PRXL2A: variants seen among roughly 807,000 people sequenced by gnomAD.
PRXL2A encodes peroxiredoxin-like 2A.
Under a neutral mutation model 25.6 loss-of-function variants are expected in PRXL2A, and 26 were observed. The observed-to-expected ratio is 1.02, with a 90% CI of 0.74 to 1.41. PRXL2A has a LOEUF of 1.41. Ranked by LOEUF, PRXL2A falls within the 40% of genes most tolerant of loss-of-function variation. PRXL2A has a pLI of 0.00. For synonymous variants in PRXL2A, 98 were observed against 102.9 expected (o/e 0.95, Z 0.29); for missense variants, 246 against 273.9 (o/e 0.90, Z 0.72).
At chr10:80,413,893 C>T in intron 1 of PRXL2A, 15 of 1,237,398 alleles carry the variant, frequency 1.2e-5, no homozygotes, top group Non-Finnish European at 1.6e-5. Flanking sequence ...GCCTTGTTCC[C>T]AAGTTTGAAG....
At position 80,423,366 on chromosome 10, in the gene PRXL2A, C is replaced by G. The variant is rs143404583; in HGVS notation, c.270+858C>G. On this transcript the variant is annotated intron_variant, in intron 3 of 5. Transcript: ENST00000606162. ...ACACAGCCAGTCAGTGGCAGAAGACCCAGATTCTGAAATTACTGCCCTGCC... is the reference window on the plus strand; with the variant it reads ...ACACAGCCAGTCAGTGGCAGAAGACGCAGATTCTGAAATTACTGCCCTGCC... 4.0e-3 allele frequency among the ~76,000 whole-genome samples: 602 copies of G among 152,298 alleles called. 5 individuals carry two copies. The highest frequency in any genetic ancestry group is 0.017 in the Middle Eastern group (5 of 294).
chr10:80,417,809 C>T (rs1464411897), intron 1 of PRXL2A, among the ~76,000 whole-genome samples: 1 of 135,400 alleles, frequency 7.4e-6, no homozygotes, highest in South Asian at 2.3e-4. Flanking sequence ...GGCTGGAGTT[C>T]TGGGCTATAG....
chr10:80,425,744 C>T lies in PRXL2A; in HGVS notation c.271-122C>T, dbSNP rs569277501. The T allele has an allele frequency of 1.5e-4, 189 of 1,247,518 alleles. 1 individual carries two copies. The African/African-American group carries it at 2.6e-3, about 17-fold the overall frequency. The allele number at this position is 1,247,518 out of a possible 1,614,324, so 77.3% of individuals were successfully genotyped here. A position where few individuals can be genotyped will look rare whatever the true frequency, so the allele number is the denominator to read the frequency against. On this transcript the variant is annotated intron_variant, in intron 3 of 5. Coordinates refer to ENST00000606162, the MANE Select transcript of PRXL2A (RefSeq NM_032333.5). ...GTGGTTAGGACAGCCATAACAGGAG[C>T]CTTGCCTCTGCTTTCCACTGGAGAA...
intron 1 of PRXL2A, among the ~76,000 whole-genome samples, chr10:80,416,940 T>C (rs1431055786): frequency 6.6e-6 from 1 of 152,210 alleles, no homozygotes; most frequent in Admixed American, 6.5e-5. Flanking sequence ...GTCAGACTGT[T>C]GTACCCAAGC....
At chr10:80,429,633 G>T (rs572139694) in intron 5 of PRXL2A, among the ~76,000 whole-genome samples, 7 of 127,950 alleles carry the variant, frequency 5.5e-5, no homozygotes, top group South Asian at 2.5e-4. Context: ...CTCCTGCCCT[G>T]CCCTGCCCCT....
intron 1 of PRXL2A, among the ~76,000 whole-genome samples, chr10:80,415,509 C>A (rs1589552656): frequency 1.3e-5 from 2 of 152,224 alleles, no homozygotes; most frequent in African/African-American, 2.4e-5. Context: ...CCTACACCGG[C>A]TCCAAAGCCA....
chr10:80,409,854 AT>A (rs1184437167), intron 1 of PRXL2A, among the ~76,000 whole-genome samples: 1 of 152,220 alleles, frequency 6.6e-6, no homozygotes, highest in Non-Finnish European at 1.5e-5. Context: ...GTAGAAGGTA[AT>A]TAAGGAAGCA....
chr10:80,425,222 T>G (rs1403267378), intron 3 of PRXL2A, among the ~76,000 whole-genome samples: 1 of 152,228 alleles, frequency 6.6e-6, no homozygotes, highest in Non-Finnish European at 1.5e-5. Flanking sequence ...TAGCACACAG[T>G]TCCTGAGAGT....
At chr10:80,424,677 C>A (rs1252396665) in intron 3 of PRXL2A, among the ~76,000 whole-genome samples, 1 of 151,756 alleles carries the variant, frequency 6.6e-6, no homozygotes, top group Admixed American at 6.6e-5. Context: ...ACCAGCCTGG[C>A]CAACATGGCC....
At chr10:80,425,626 G>A (rs562003360) in intron 3 of PRXL2A, among the ~76,000 whole-genome samples, 12 of 152,340 alleles carry the variant, frequency 7.9e-5, no homozygotes, top group Non-Finnish European at 1.6e-4. Context: ...TGTTAGTTTG[G>A]TCTAGTGCAG....
chr10:80,431,074 T>C (rs1285195115), intron 5 of PRXL2A, among the ~76,000 whole-genome samples: 1 of 152,144 alleles, frequency 6.6e-6, no homozygotes, highest in Non-Finnish European at 1.5e-5. Context: ...ATTTTTGTAT[T>C]TTTAGTAGAG....
chr10:80,422,377 G>T lies in PRXL2A; in HGVS notation c.179-40G>T, dbSNP rs374415251. On this transcript the variant is annotated intron_variant, in intron 2 of 5. Transcript: ENST00000606162. ...TGAGCTGCTTAGTGATTGGGGCTGG[G>T]CTGGGAGGAGATATCGAATTTCTTT... 8 of 1,518,000 alleles carry T rather than the reference G, an allele frequency of 5.3e-6. No homozygotes were observed. The African/African-American group carries it at 1.1e-4, about 21-fold the overall frequency. 94.0% of individuals were successfully genotyped at this position (1,518,000 alleles called of 1,614,324 possible). A position where few individuals can be genotyped will look rare whatever the true frequency, so the allele number is the denominator to read the frequency against.
chr10:80,430,454 TG>T (rs1189187893), intron 5 of PRXL2A, among the ~76,000 whole-genome samples: 1 of 152,162 alleles, frequency 6.6e-6, no homozygotes, highest in Non-Finnish European at 1.5e-5. Flanking sequence ...AAGAAGCAGC[TG>T]GGCAACATAG....
In PRXL2A at chr10:80,436,055, G is replaced by C. The variant is rs977024880; in HGVS notation, c.*3956G>C. On this transcript the variant is annotated 3_prime_UTR_variant, in exon 6 of 6. Transcript: ENST00000606162. ...AGTAGAATCACCTGGTGCGGGGGTT[G>C]GGGGCGGGGTGCAGTGTAAAAATTA... 2.0e-5 allele frequency: 3 copies of C among 151,990 alleles called. No individual in the cohort carries two copies. The highest frequency in any genetic ancestry group is 1.3e-4 in the Admixed American group (2 of 15,252). The allele number at this position is 151,990 out of a possible 1,614,324, so 9.4% of individuals were successfully genotyped here.
chr10:80,430,810 T>C (rs747838359), intron 5 of PRXL2A, among the ~76,000 whole-genome samples: 11 of 152,200 alleles, frequency 7.2e-5, no homozygotes, highest in Non-Finnish European at 1.3e-4. Context: ...AAAATTGTAC[T>C]AGATGTTCTT....
chr10:80,432,004 C>T lies in PRXL2A; in HGVS notation c.595C>T (p.Arg199Ter), dbSNP rs150000535. Residue 199 changes from arginine to a stop codon, truncating the protein, a stop_gained, in exon 6 of 6, where the codon CGA becomes TGA. Coordinates refer to ENST00000606162, the MANE Select transcript of PRXL2A (RefSeq NM_032333.5). LOFTEE classifies it high-confidence loss of function. ...SGKQGILLEHREKEFGDKVNL... is the reference protein window; with the variant it reads ...SGKQGILLEH ...CTTTTAGGGCATTCTTCTTGAGCAC[C>T]GAGAAAAAGAATTTGGAGACAAAGT... The T allele has an allele frequency of 2.9e-5, 47 of 1,610,118 alleles. No homozygotes were observed. Among genetic ancestry groups the T allele is most frequent in the East Asian group, 6.7e-5 (3 of 44,786 alleles).
intron 3 of PRXL2A, 86 bp from the exon 4 acceptor site, chr10:80,425,780 C>G (rs1377586663): frequency 6.5e-7 from 1 of 1,542,186 alleles, no homozygotes; most frequent in East Asian, 2.3e-5. Context: ...GACAAGGAGC[C>G]TGGGCTGCAG....
In PRXL2A at chr10:80,429,661, C is replaced by T. The variant is rs571603080; in HGVS notation, c.576+2165C>T. The stretch of plus-strand genomic sequence containing the variant: ...CTGCCCCTAGCCTCTCCTGCCCTTC[C>T]CTGCCCCTAGCCTCTCCTGCCCTGC... On this transcript the variant is annotated intron_variant, in intron 5 of 5. Coordinates refer to ENST00000606162, the MANE Select transcript of PRXL2A (RefSeq NM_032333.5). Among the ~76,000 whole-genome samples, 303 of 149,824 alleles carry T rather than the reference C, an allele frequency of 2.0e-3. 1 individual carries two copies. Among genetic ancestry groups the T allele is most frequent in the African/African-American group, 7.1e-3 (291 of 40,764 alleles).
chr10:80,432,195 C>T lies in PRXL2A; in HGVS notation c.*96C>T. On this transcript the variant is annotated 3_prime_UTR_variant, in exon 6 of 6. Coordinates refer to ENST00000606162, the MANE Select transcript of PRXL2A (RefSeq NM_032333.5). Reference sequence around the variant, plus strand: ...CTCGTGTCCCTAAGGAGTGAGAAACCCATTTATACTCTACTCTCAGTATGG... The same window carrying T: ...CTCGTGTCCCTAAGGAGTGAGAAACTCATTTATACTCTACTCTCAGTATGG... 1 of 705,950 alleles carries T rather than the reference C, an allele frequency of 1.4e-6. No homozygotes were observed. The allele number at this position is 705,950 out of a possible 1,614,324, so 43.7% of individuals were successfully genotyped here. A position where few individuals can be genotyped will look rare whatever the true frequency, so the allele number is the denominator to read the frequency against.
Sources: allele counts gnomAD v4.1 joint callset (sites outside exome capture counted in the v4.1 genomes callset), GRCh38; gene constraint gnomAD v4.1.1; transcripts MANE v1.5; gene names NCBI Gene and HGNC (gene_info 2026-07-23, HGNC 2026-07-21).